Variants in PDCD1LG2 observed in about 807,000 individuals in gnomAD.
PDCD1LG2 encodes B7 dendritic cell molecule.
Under a neutral mutation model 28.2 loss-of-function variants are expected in PDCD1LG2, and 32 were observed. That is an observed-to-expected ratio of 1.13 (90% CI 0.86 to 1.52). The LOEUF is 1.52. Among genes scored for constraint, PDCD1LG2 ranks in the 40% most tolerant of loss-of-function variants. The pLI is 0.00. For missense variants in PDCD1LG2, 385 were observed against 323.8 expected, an observed-to-expected ratio of 1.19 and a Z score of -1.45; for synonymous variants, 116 against 120.2, an observed-to-expected ratio of 0.97 and a Z score of 0.23.
intron 4 of PDCD1LG2, among the ~76,000 whole-genome samples, chr9:5,550,478 T>C (rs1437340127): frequency 6.6e-6 from 1 of 152,218 alleles, no homozygotes; most frequent in Non-Finnish European, 1.5e-5. Context: ...ATTTATTATC[T>C]GATACTTATG....
At position 5,548,455 on chromosome 9, in the gene PDCD1LG2, G is replaced by A. The variant is rs1236719874; in HGVS notation, c.362-880G>A. 2.0e-5 allele frequency among the ~76,000 whole-genome samples: 3 copies of A among 152,268 alleles called. No homozygotes were observed. The East Asian group carries it at 5.8e-4, about 29-fold the overall frequency. On this transcript the variant is annotated intron_variant, in intron 3 of 6. Coordinates refer to ENST00000397747, the MANE Select transcript of PDCD1LG2 (RefSeq NM_025239.4). ...TGGTTATTGTGAATCATGCTGAAATGAATAAAGGAATACAGATATCTCTTC... is the reference window on the plus strand; with the variant it reads ...TGGTTATTGTGAATCATGCTGAAATAAATAAAGGAATACAGATATCTCTTC...
intron 6 of PDCD1LG2, among the ~76,000 whole-genome samples, chr9:5,564,832 G>T (rs960279558): frequency 2.0e-5 from 3 of 152,190 alleles, no homozygotes; most frequent in Admixed American, 2.0e-4. Flanking sequence ...GCTCATGTTG[G>T]TTATTTTTTT....
chr9:5,564,025 A>G (rs1350286215), intron 6 of PDCD1LG2, among the ~76,000 whole-genome samples: 1 of 152,252 alleles, frequency 6.6e-6, no homozygotes, highest in East Asian at 1.9e-4. Flanking sequence ...CACCATAGCC[A>G]AGATGACACA....
intron 2 of PDCD1LG2, among the ~76,000 whole-genome samples, chr9:5,533,011 C>T (rs1005682375): frequency 2.0e-5 from 3 of 152,186 alleles, no homozygotes; most frequent in Admixed American, 1.3e-4. Context: ...CATTTGAACC[C>T]AGGCTCACCT....
At chr9:5,529,605 T>C (rs190542287) in intron 2 of PDCD1LG2, among the ~76,000 whole-genome samples, 12 of 152,314 alleles carry the variant, frequency 7.9e-5, no homozygotes, top group Non-Finnish European at 1.6e-4. Flanking sequence ...ATATTTTTTA[T>C]ACCTTGTCAT....
intron 3 of PDCD1LG2, among the ~76,000 whole-genome samples, chr9:5,546,230 C>T (rs756523527): frequency 3.3e-5 from 5 of 152,168 alleles, no homozygotes; most frequent in Non-Finnish European, 5.9e-5. Context: ...GAAATCACTT[C>T]TCAACCAGGA....
intron 1 of PDCD1LG2, among the ~76,000 whole-genome samples, chr9:5,513,412 T>G (rs1820098356): frequency 6.6e-6 from 1 of 152,266 alleles, no homozygotes; most frequent in African/African-American, 2.4e-5. Context: ...ATTTTATCAC[T>G]TGTTTTACAT....
chr9:5,517,717 C>G (rs997415643), intron 1 of PDCD1LG2, among the ~76,000 whole-genome samples: 1 of 152,048 alleles, frequency 6.6e-6, no homozygotes, highest in Non-Finnish European at 1.5e-5. Context: ...ATGACTCTGA[C>G]CGATATGGAA....
chr9:5,570,914 G>A lies in PDCD1LG2; in HGVS notation c.*955G>A, dbSNP rs967638911. The A allele has an allele frequency of 2.1e-5, 5 of 232,582 alleles. No homozygotes were observed. Among genetic ancestry groups the A allele is most frequent in the Admixed American group, 5.6e-5 (1 of 17,768 alleles). The allele number at this position is 232,582 out of a possible 1,614,324, so 14.4% of individuals were successfully genotyped here. A position where few individuals can be genotyped will look rare whatever the true frequency, so the allele number is the denominator to read the frequency against. ...AAGTAGTCAAGGCCTTTGATAATTG[G>A]CACTATGGAAATCCTGCAAGATCCC... On this transcript the variant is annotated 3_prime_UTR_variant, in exon 7 of 7. Transcript: ENST00000397747.
chr9:5,521,737 G>T (rs923751674), intron 1 of PDCD1LG2, among the ~76,000 whole-genome samples: 1 of 152,196 alleles, frequency 6.6e-6, no homozygotes, highest in Non-Finnish European at 1.5e-5. Flanking sequence ...TGATTTAGAT[G>T]TATGGCTCCA....
At chr9:5,512,471 T>A (rs1049334853) in intron 1 of PDCD1LG2, among the ~76,000 whole-genome samples, 1 of 152,190 alleles carries the variant, frequency 6.6e-6, no homozygotes, top group Non-Finnish European at 1.5e-5. Flanking sequence ...GCCTCAGAAG[T>A]ACTGCCCTGG....
At chr9:5,520,425 T>C (rs1337204206) in intron 1 of PDCD1LG2, among the ~76,000 whole-genome samples, 1 of 152,238 alleles carries the variant, frequency 6.6e-6, no homozygotes, top group Non-Finnish European at 1.5e-5. Context: ...TTCTTATATT[T>C]AGGTTCTTGA....
chr9:5,548,414 G>A (rs1816255631), intron 3 of PDCD1LG2, among the ~76,000 whole-genome samples: 1 of 152,104 alleles, frequency 6.6e-6, no homozygotes, highest in South Asian at 2.1e-4. Context: ...TGGACATTTA[G>A]TTTGGTTCCA....
chr9:5,560,412 T>C (rs1274093626), intron 5 of PDCD1LG2, among the ~76,000 whole-genome samples: 1 of 152,182 alleles, frequency 6.6e-6, no homozygotes, highest in Non-Finnish European at 1.5e-5. Flanking sequence ...GAATCTCTGG[T>C]CCTTCCAGAT....
At chr9:5,540,479 C>A in intron 3 of PDCD1LG2, among the ~76,000 whole-genome samples, 1 of 151,374 alleles carries the variant, frequency 6.6e-6, no homozygotes, top group Non-Finnish European at 1.5e-5. Flanking sequence ...AATTGATAAC[C>A]AAGAAAAGAA....
intron 1 of PDCD1LG2, among the ~76,000 whole-genome samples, chr9:5,518,963 G>T (rs1820221244): frequency 1.3e-5 from 2 of 152,130 alleles, no homozygotes; most frequent in Non-Finnish European, 2.9e-5. Context: ...GGTATGGTGA[G>T]GCCAATATAT....
intron 2 of PDCD1LG2, among the ~76,000 whole-genome samples, chr9:5,533,464 A>C (rs1442857700): frequency 1.3e-5 from 2 of 152,252 alleles, no homozygotes; most frequent in African/African-American, 4.8e-5. Flanking sequence ...AAATGCAGTG[A>C]AAATAAAGCA....
intron 1 of PDCD1LG2, among the ~76,000 whole-genome samples, chr9:5,519,819 A>G (rs1350658664): frequency 6.6e-6 from 1 of 152,022 alleles, no homozygotes; most frequent in Non-Finnish European, 1.5e-5. Flanking sequence ...CAGCATCTCC[A>G]TTGCCTTAGT....
intron 3 of PDCD1LG2, among the ~76,000 whole-genome samples, chr9:5,537,135 T>G (rs552761208): frequency 6.6e-6 from 1 of 152,356 alleles, no homozygotes; most frequent in South Asian, 2.1e-4. Context: ...TAATCAAAAA[T>G]GAGTAATTTT....
Sources: allele counts gnomAD v4.1 joint callset (sites outside exome capture counted in the v4.1 genomes callset), GRCh38; gene constraint gnomAD v4.1.1; transcripts MANE v1.5; gene names NCBI Gene and HGNC (gene_info 2026-07-23, HGNC 2026-07-21).